The following PRKG1 variants were observed in gnomAD, a reference collection of about 807,000 sequenced individuals.
PRKG1 encodes cGMP-dependent protein kinase 1.
A neutral mutation model predicts 88.1 loss-of-function variants in PRKG1; 35 were observed. That is an observed-to-expected ratio of 0.40 (90% CI 0.30 to 0.53). The LOEUF (loss-of-function observed/expected upper bound fraction) is 0.53, where lower values mean the gene tolerates loss of function less well. Ranked by LOEUF, PRKG1 falls within the 20% of genes least tolerant of loss-of-function variation. The pLI, the probability that PRKG1 is intolerant of heterozygous loss-of-function variation, is 0.59. For synonymous variants in PRKG1, 303 were observed against 292.5 expected, an observed-to-expected ratio of 1.04 and a Z score of -0.37; for missense variants, 540 against 839.8, an observed-to-expected ratio of 0.64 and a Z score of 4.41.
chr10:51,960,452 G>T (rs1903957), intron 5 of PRKG1, among the ~76,000 whole-genome samples: 16,193 of 152,046 alleles, frequency 0.11, 1,206 homozygotes, highest in East Asian at 0.29. Context: ...AAATATTTAT[G>T]GGAGTAAGAT....
rs993013235 is a variant in PRKG1, at chr10:52,046,377, C to A, written c.763-8107C>A. ...TCTCTACACATGGAAAGCCCTTCCC[C>A]CTTCTTCCCCATCCAGTGAGGAATC... is the stretch of plus-strand genomic sequence containing the variant. On this transcript the variant is annotated intron_variant, in intron 5 of 17. Coordinates refer to ENST00000373980, the MANE Select transcript of PRKG1 (RefSeq NM_006258.4). Among the ~76,000 whole-genome samples the A allele has an allele frequency of 2.0e-5, 3 of 152,012 alleles. No individual in the cohort carries two copies. The East Asian group carries it at 5.8e-4, about 29-fold the overall frequency.
rs563330931 is a variant in PRKG1, at chr10:51,078,265, A to G, written c.311+3364A>G. Reference sequence around the variant, plus strand: ...ACAGAGTCTCACTCTGTCACCCAGGATGGAGTGCAGTGGCACGATCTTGGC... The same window carrying G: ...ACAGAGTCTCACTCTGTCACCCAGGGTGGAGTGCAGTGGCACGATCTTGGC... On this transcript the variant is annotated intron_variant, in intron 1 of 17. Coordinates refer to ENST00000373980, the MANE Select transcript of PRKG1 (RefSeq NM_006258.4). 2.0e-5 allele frequency among the ~76,000 whole-genome samples: 3 copies of G among 151,432 alleles called. No individual in the cohort carries two copies. The East Asian group carries it at 5.9e-4, about 30-fold the overall frequency.
intron 9 of PRKG1, among the ~76,000 whole-genome samples, chr10:52,201,655 TTAA>T (rs748798916): frequency 6.6e-6 from 1 of 152,208 alleles, no homozygotes; most frequent in Non-Finnish European, 1.5e-5. Flanking sequence ...TATGGCCATT[TTAA>T]TAATATTAAT....
intron 7 of PRKG1, among the ~76,000 whole-genome samples, chr10:52,098,763 A>C (rs745812026): frequency 1.3e-5 from 2 of 152,206 alleles, no homozygotes; most frequent in Non-Finnish European, 2.9e-5. Flanking sequence ...TGATACCTAA[A>C]TGAGTGTTAG....
At chr10:50,997,539 A>G (rs1180274428) in intron 1 of PRKG1, among the ~76,000 whole-genome samples, 1 of 152,078 alleles carries the variant, frequency 6.6e-6, no homozygotes, top group African/African-American at 2.4e-5. Flanking sequence ...GTGCGTTAAA[A>G]CCTTTTCTTT....
chr10:52,174,505 A>G (rs1838801056), intron 9 of PRKG1, among the ~76,000 whole-genome samples: 1 of 152,174 alleles, frequency 6.6e-6, no homozygotes, highest in East Asian at 1.9e-4. Context: ...TTAAGAAAAA[A>G]GGACTATAAA....
chr10:52,211,148 T>C (rs1839961036), intron 9 of PRKG1, among the ~76,000 whole-genome samples: 1 of 152,178 alleles, frequency 6.6e-6, no homozygotes, highest in African/African-American at 2.4e-5. Flanking sequence ...GATAGTCTGT[T>C]CTTTTAAAGT....
intron 3 of PRKG1, among the ~76,000 whole-genome samples, chr10:51,578,458 A>G (rs1837943437): frequency 6.6e-6 from 1 of 152,078 alleles, no homozygotes; most frequent in Non-Finnish European, 1.5e-5. Context: ...TTTGTCCGTC[A>G]TGACTGGATT....
intron 3 of PRKG1, among the ~76,000 whole-genome samples, chr10:51,708,351 A>G (rs372783569): frequency 1.3e-5 from 2 of 152,134 alleles, no homozygotes; most frequent in African/African-American, 4.8e-5. Context: ...CTGTCTCTAA[A>G]TACAGTCACA....
chr10:51,736,403 A>T (rs1206671705), intron 3 of PRKG1, among the ~76,000 whole-genome samples: 1 of 152,200 alleles, frequency 6.6e-6, no homozygotes, highest in Non-Finnish European at 1.5e-5. Context: ...GGCGTGAGCC[A>T]CTGTGCCCAG....
upstream of PRKG1, chr10:51,074,430 G>C (rs961426747): frequency 2.1e-6 from 3 of 1,446,536 alleles, no homozygotes; most frequent in Non-Finnish European, 2.7e-6. Flanking sequence ...TGGAGCCGGC[G>C]GACTGGGCAT....
intron 9 of PRKG1, among the ~76,000 whole-genome samples, chr10:52,170,536 A>G (rs1046122007): frequency 6.6e-6 from 1 of 152,180 alleles, no homozygotes. Flanking sequence ...TAAAAAAAGA[A>G]GTACCACAAT....
At chr10:51,955,504 C>T (rs1240474777) in intron 5 of PRKG1, among the ~76,000 whole-genome samples, 1 of 152,112 alleles carries the variant, frequency 6.6e-6, no homozygotes, top group Non-Finnish European at 1.5e-5. Context: ...TTACTACATG[C>T]ATTTGTTAAC....
chr10:52,292,104 G>A (rs1475863344), intron 17 of PRKG1, among the ~76,000 whole-genome samples: 5 of 151,974 alleles, frequency 3.3e-5, no homozygotes, highest in Non-Finnish European at 7.4e-5. Flanking sequence ...TTTTTGATGG[G>A]GTTGTTTGTT....
At chr10:52,126,698 A>G (rs1210492334) in intron 7 of PRKG1, among the ~76,000 whole-genome samples, 3 of 151,168 alleles carry the variant, frequency 2.0e-5, no homozygotes, top group Non-Finnish European at 2.9e-5. Flanking sequence ...TAAAAATGCT[A>G]CTGAAGGATA....
rs145459975 is a variant in PRKG1, at chr10:52,066,675, T to G, written c.935+4044T>G. 4.6e-5 allele frequency among the ~76,000 whole-genome samples: 7 copies of G among 152,304 alleles called. No homozygotes were observed. The East Asian group carries it at 1.4e-3, about 29-fold the overall frequency. Reference sequence around the variant, plus strand: ...AGTCTTATGTGATGAGGACGGAAATTACTGAACTCCAGCTTGCTGCTGCTC... The same window carrying G: ...AGTCTTATGTGATGAGGACGGAAATGACTGAACTCCAGCTTGCTGCTGCTC... On this transcript the variant is annotated intron_variant, in intron 7 of 17. Transcript: ENST00000373980.
intron 7 of PRKG1, among the ~76,000 whole-genome samples, chr10:52,109,526 G>A (rs1427587485): frequency 1.3e-5 from 2 of 152,094 alleles, no homozygotes; most frequent in African/African-American, 4.8e-5. Context: ...CAACACTTCG[G>A]GAGGCCGAGG....
chr10:52,083,380 G>T (rs191333849), intron 7 of PRKG1, among the ~76,000 whole-genome samples: 3 of 151,980 alleles, frequency 2.0e-5, no homozygotes, highest in East Asian at 1.9e-4. Context: ...AGCCCTAATT[G>T]CCCTGGAAAG....
At chr10:51,852,452 C>A (rs1429118299) in intron 4 of PRKG1, among the ~76,000 whole-genome samples, 1 of 151,636 alleles carries the variant, frequency 6.6e-6, no homozygotes, top group Non-Finnish European at 1.5e-5. Context: ...TCCTGTATTG[C>A]TAACATATAA....
Sources: allele counts gnomAD v4.1 joint callset (sites outside exome capture counted in the v4.1 genomes callset), GRCh38; gene constraint gnomAD v4.1.1; transcripts MANE v1.5; gene names NCBI Gene and HGNC (gene_info 2026-07-23, HGNC 2026-07-21).